Variants in KCNT2 observed in about 807,000 individuals in gnomAD.
The protein encoded by KCNT2 is potassium channel subfamily T member 2.
KCNT2 carries 67 observed loss-of-function variants against 153.8 expected under a neutral mutation model. The ratio of observed to expected loss-of-function variants is 0.44; its 90% CI spans 0.36 to 0.53. The LOEUF is 0.53. Ranked by LOEUF, KCNT2 falls within the 20% of genes least tolerant of loss-of-function variation. The pLI, the probability that KCNT2 is intolerant of heterozygous loss-of-function variation, is 0.00. For missense variants in KCNT2, 975 were observed against 1,354.8 expected, an observed-to-expected ratio of 0.72 and a Z score of 4.40; for synonymous variants, 500 against 458.8, an observed-to-expected ratio of 1.09 and a Z score of -1.15.
At chr1:196,517,736 A>G (rs769591595) in intron 1 of KCNT2, among the ~76,000 whole-genome samples, 3 of 152,242 alleles carry the variant, frequency 2.0e-5, no homozygotes, top group Admixed American at 1.3e-4. Flanking sequence ...AAAGAATACA[A>G]AGAAATAAAA....
At chr1:196,306,964 G>A (rs1661691886) in intron 21 of KCNT2, among the ~76,000 whole-genome samples, 1 of 151,796 alleles carries the variant, frequency 6.6e-6, no homozygotes, top group South Asian at 2.1e-4. Flanking sequence ...CTTCGTTTTG[G>A]TAATAAATAC....
At chr1:196,240,043 G>A (rs996983933) in intron 26 of KCNT2, among the ~76,000 whole-genome samples, 11 of 152,144 alleles carry the variant, frequency 7.2e-5, no homozygotes, top group African/African-American at 2.6e-4. Flanking sequence ...ACAATTGTGA[G>A]AAAATAAACT....
intron 1 of KCNT2, among the ~76,000 whole-genome samples, chr1:196,578,662 C>T (rs1339147437): frequency 6.6e-6 from 1 of 152,036 alleles, no homozygotes; most frequent in African/African-American, 2.4e-5. Context: ...GAAGATAGAA[C>T]ATTAGAGAAT....
intron 8 of KCNT2, among the ~76,000 whole-genome samples, chr1:196,461,948 T>C (rs1208995285): frequency 6.6e-6 from 1 of 151,680 alleles, no homozygotes; most frequent in African/African-American, 2.4e-5. Flanking sequence ...AAACAGGTAA[T>C]TTTAAGACTG....
intron 1 of KCNT2, among the ~76,000 whole-genome samples, chr1:196,588,979 A>G (rs1663017073): frequency 6.6e-6 from 1 of 151,980 alleles, no homozygotes; most frequent in African/African-American, 2.4e-5. Context: ...AAAAGCCTAT[A>G]AGTATTTAAA....
chr1:196,240,686 G>A (rs1654872603), intron 26 of KCNT2, among the ~76,000 whole-genome samples: 1 of 151,936 alleles, frequency 6.6e-6, no homozygotes, highest in Non-Finnish European at 1.5e-5. Context: ...AGTGAGAGAG[G>A]AGAAGATTAA....
chr1:196,380,745 C>T (rs751042179), intron 13 of KCNT2, among the ~76,000 whole-genome samples: 9 of 152,088 alleles, frequency 5.9e-5, no homozygotes, highest in Admixed American at 2.6e-4. Context: ...TTCCCATATC[C>T]TTTGCTTATT....
chr1:196,575,306 T>C (rs962316372), intron 1 of KCNT2, among the ~76,000 whole-genome samples: 2 of 152,142 alleles, frequency 1.3e-5, no homozygotes, highest in African/African-American at 4.8e-5. Context: ...CAATGGTATC[T>C]ATATTATTTT....
At chr1:196,261,988 T>C (rs567683182) in intron 25 of KCNT2, among the ~76,000 whole-genome samples, 1 of 151,988 alleles carries the variant, frequency 6.6e-6, no homozygotes, top group Admixed American at 6.6e-5. Flanking sequence ...TAAAATATTA[T>C]CATTTTCTAA....
At chr1:196,487,340 C>G (rs1482673316) in intron 3 of KCNT2, among the ~76,000 whole-genome samples, 1 of 151,510 alleles carries the variant, frequency 6.6e-6, no homozygotes, top group East Asian at 1.9e-4. Flanking sequence ...TGCAAAGATT[C>G]CGGTCTTAGG....
chr1:196,228,174 T>C lies in KCNT2; in HGVS notation c.*50A>G. On this transcript the variant is annotated 3_prime_UTR_variant, in exon 28 of 28. Coordinates refer to ENST00000294725, the MANE Select transcript of KCNT2 (RefSeq NM_198503.5). ...TTCTTTCGTGCCAGCAAAACTTTTGTGGTTTCAAGCAAGGTCTTTGTAGGA... is the reference window on the plus strand; with the variant it reads ...TTCTTTCGTGCCAGCAAAACTTTTGCGGTTTCAAGCAAGGTCTTTGTAGGA... 9.5e-7 allele frequency: 1 copy of C among 1,056,040 alleles called. No individual in the cohort carries two copies. The highest frequency in any genetic ancestry group is 2.4e-5 in the East Asian group (1 of 42,016). 65.4% of individuals were successfully genotyped at this position (1,056,040 alleles called of 1,614,324 possible). A position where few individuals can be genotyped will look rare whatever the true frequency, so the allele number is the denominator to read the frequency against.
chr1:196,448,437 A>G (rs890953402), intron 8 of KCNT2, among the ~76,000 whole-genome samples: 9 of 151,704 alleles, frequency 5.9e-5, no homozygotes, highest in Middle Eastern at 6.8e-3. Flanking sequence ...CAAGAGGGAA[A>G]ATATTAATTT....
chr1:196,416,186 C>T (rs185808527), intron 12 of KCNT2, among the ~76,000 whole-genome samples: 139 of 151,968 alleles, frequency 9.1e-4, no homozygotes, highest in Non-Finnish European at 1.7e-3. Context: ...TGAAGTATTG[C>T]AGTGCTTGTG....
chr1:196,228,449 T>A lies in KCNT2; in HGVS notation c.3297-114A>T, dbSNP rs989470619. 6 of 642,842 alleles carry A rather than the reference T, an allele frequency of 9.3e-6. No homozygotes were observed. In the African/African-American group the frequency reaches 1.1e-4, roughly 12 times the overall value. 39.8% of individuals were successfully genotyped at this position (642,842 alleles called of 1,614,324 possible). On this transcript the variant is annotated intron_variant, in intron 27 of 27. Coordinates refer to ENST00000294725, the MANE Select transcript of KCNT2 (RefSeq NM_198503.5). ...TGTTCAGTTTTCAGATTATCTAAAC[T>A]GTCTGTATACAACATTGGTGGTAGA...
At chr1:196,236,383 G>T (rs143755454) in intron 26 of KCNT2, among the ~76,000 whole-genome samples, 1 of 151,520 alleles carries the variant, frequency 6.6e-6, no homozygotes, top group East Asian at 1.9e-4. Context: ...TGGATAAGAT[G>T]TTTACTTGAT....
rs1187417575 is a variant in KCNT2, at chr1:196,292,998, A to C, written c.2596-7240T>G. 6.6e-5 allele frequency among the ~76,000 whole-genome samples: 10 copies of C among 152,102 alleles called. No individual in the cohort carries two copies. The East Asian group carries it at 1.9e-3, about 29-fold the overall frequency. ...TACCCTAAAAACAAACTACCTGAAA[A>C]AATAATTAAAACCAGTCCCATTCAC... On this transcript the variant is annotated intron_variant, in intron 22 of 27. Transcript: ENST00000294725.
intron 1 of KCNT2, among the ~76,000 whole-genome samples, chr1:196,602,827 C>A (rs954976981): frequency 7.9e-6 from 1 of 126,624 alleles, no homozygotes; most frequent in Non-Finnish European, 1.6e-5. Context: ...TCGCCCAGGC[C>A]GGACTGCGGA....
At chr1:196,555,573 C>T (rs79544565) in intron 1 of KCNT2, among the ~76,000 whole-genome samples, 11,183 of 151,254 alleles carry the variant, frequency 0.074, 1,267 homozygotes, top group African/African-American at 0.24. Context: ...AATGTCCATA[C>T]GACCCAAAGC....
At chr1:196,356,376 T>C (rs1295826738) in intron 14 of KCNT2, among the ~76,000 whole-genome samples, 1 of 151,770 alleles carries the variant, frequency 6.6e-6, no homozygotes, top group East Asian at 1.9e-4. Flanking sequence ...TTCCCCAAAG[T>C]CCTAACATGG....
Sources: gnomAD v4.1 joint callset for allele counts (sites outside exome capture counted in the v4.1 genomes callset) on GRCh38, gnomAD v4.1.1 for gene constraint, MANE v1.5 for transcripts, NCBI Gene and HGNC (gene_info 2026-07-23, HGNC 2026-07-21) for gene names.